The following CEBPZOS variants were observed in gnomAD, a reference collection of about 807,000 sequenced individuals.
The protein encoded by CEBPZOS is protein CEBPZOS.
A neutral mutation model predicts 4.8 loss-of-function variants in CEBPZOS; 10 were observed. The ratio of observed to expected loss-of-function variants is 2.07; its 90% CI spans 1.28 to 3.52. The LOEUF (loss-of-function observed/expected upper bound fraction) is 3.52. Among genes scored for constraint, CEBPZOS ranks in the 30% most tolerant of loss-of-function variants. The pLI is 0.00. For missense variants in CEBPZOS, 98 were observed against 43.6 expected (o/e 2.25, Z -3.51); for synonymous variants, 25 against 14.2 (o/e 1.77, Z -1.72).
At position 37,202,970 on chromosome 2, in the gene CEBPZOS, G is replaced by A; in HGVS notation, c.*1110G>A. On this transcript the variant is annotated 3_prime_UTR_variant, in exon 5 of 5. Transcript: ENST00000402297. ...CTTACCTCTTCAGCAGATACAAATA[G>A]GCTGGAATCATTTAAGTTTCTTTTC... The A allele has an allele frequency of 1.3e-6, 2 of 1,562,446 alleles. No homozygotes were observed. Among genetic ancestry groups the A allele is most frequent in the Non-Finnish European group, 1.7e-6 (2 of 1,157,372 alleles).
chr2:37,213,636 ACTC>A (rs1677795457), exon 5 of CEBPZOS: 5 of 394,528 alleles, frequency 1.3e-5, no homozygotes, highest in Non-Finnish European at 2.3e-5. Flanking sequence ...CTGGTCTCGA[ACTC>A]CTGACCTCAA....
intron 4 of CEBPZOS, chr2:37,211,990 C>G: frequency 2.5e-6 from 4 of 1,611,940 alleles, no homozygotes; most frequent in Non-Finnish European, 3.4e-6. Flanking sequence ...CCTTCTGAAT[C>G]TTCATCTAAT....
At chr2:37,210,891 C>G (rs531007625) in intron 4 of CEBPZOS, 11 of 575,914 alleles carry the variant, frequency 1.9e-5, no homozygotes, top group South Asian at 7.8e-5. Flanking sequence ...GAACCCCCCC[C>G]ACCCCTGAAT....
Position 37,202,839 on chromosome 2 carries a change from C to T in CEBPZOS, c.*979C>T, listed in dbSNP as rs1677341205. 12 of 1,601,180 alleles carry T rather than the reference C, an allele frequency of 7.5e-6. No individual in the cohort carries two copies. The highest frequency in any genetic ancestry group is 1.0e-5 in the Non-Finnish European group (12 of 1,174,278). Reference sequence around the variant, plus strand: ...TGCCAATGTTATCAAACTTGGATCCCATATTTTCATCCAATAGATGGCCAA... The same window carrying T: ...TGCCAATGTTATCAAACTTGGATCCTATATTTTCATCCAATAGATGGCCAA... On this transcript the variant is annotated 3_prime_UTR_variant, in exon 5 of 5. Transcript: ENST00000402297.
At chr2:37,205,386 CTCCTGGCTCA>C (rs1213226948), downstream of CEBPZOS, among the ~76,000 whole-genome samples, 1 of 152,216 alleles carries the variant, frequency 6.6e-6, no homozygotes, top group Admixed American at 6.5e-5. Flanking sequence ...GAAATTCCTT[CTCCTGGCTCA>C]TCCTGGCTCA....
intron 4 of CEBPZOS, chr2:37,212,688 CTTTTTA>C: frequency 2.4e-6 from 1 of 413,206 alleles, no homozygotes; most frequent in Non-Finnish European, 4.4e-6. Context: ...AATTGTCGTC[CTTTTTA>C]CTCTATTAGA....
intron 4 of CEBPZOS, chr2:37,212,027 C>G (rs1403881231): frequency 6.3e-7 from 1 of 1,578,240 alleles, no homozygotes; most frequent in East Asian, 2.2e-5. Context: ...CTTTTGTTCT[C>G]TTTTTCACGT....
downstream of CEBPZOS, among the ~76,000 whole-genome samples, chr2:37,206,927 TCA>T (rs1440055994): frequency 6.6e-6 from 1 of 152,052 alleles, no homozygotes; most frequent in African/African-American, 2.4e-5. Context: ...ACATAAGGAC[TCA>T]CATAAACTTA....
At chr2:37,206,889 T>C (rs987094836), downstream of CEBPZOS, among the ~76,000 whole-genome samples, 1 of 152,104 alleles carries the variant, frequency 6.6e-6, no homozygotes, top group Non-Finnish European at 1.5e-5. Flanking sequence ...CAACCAAGAA[T>C]CTGCTGTGTT....
At position 37,199,722 on chromosome 2, in the gene CEBPZOS, A is replaced by G. The variant is rs1267531693; in HGVS notation, c.18A>G (p.Glu6=). The G allele has an allele frequency of 4.2e-6, 3 of 717,336 alleles. No individual in the cohort carries two copies. The African/African-American group carries it at 5.2e-5, about 13-fold the overall frequency. 44.4% of individuals were successfully genotyped at this position (717,336 alleles called of 1,614,324 possible). ...AATTTAGGATGGCCCGTACTTTGGA[A>G]CCACTAGCAAAGAAGATCTTTAAAG... MARTL[E]PLAKKIFKGV... Residue 6 remains glutamate, a synonymous_variant, in exon 2 of 5, where the codon GAA becomes GAG. Coordinates refer to ENST00000402297, the MANE Select transcript of CEBPZOS (RefSeq NM_001322374.2).
At position 37,202,860 on chromosome 2, in the gene CEBPZOS, G is replaced by T; in HGVS notation, c.*1000G>T. On this transcript the variant is annotated 3_prime_UTR_variant, in exon 5 of 5. Transcript: ENST00000402297. ...ATCCCATATTTTCATCCAATAGATG[G>T]CCAAACTTTTAAACAAAAACGATAA... The T allele has an allele frequency of 1.2e-5, 19 of 1,599,876 alleles. No individual in the cohort carries two copies. The highest frequency in any genetic ancestry group is 1.4e-5 in the Non-Finnish European group (17 of 1,173,454).
chr2:37,208,039 G>T (rs1432911487), downstream of CEBPZOS, among the ~76,000 whole-genome samples: 1 of 151,960 alleles, frequency 6.6e-6, no homozygotes, highest in Non-Finnish European at 1.5e-5. Context: ...ACAAAAACTA[G>T]AAAACCTAGA....
chr2:37,210,486 C>T (rs892042787), intron 4 of CEBPZOS: 1 of 152,270 alleles, frequency 6.6e-6, no homozygotes, highest in African/African-American at 2.4e-5. Context: ...CTGAATACAG[C>T]TGGAGACCAT....
intron 1 of CEBPZOS, 118 bp downstream of exon 1, chr2:37,196,638 TAGTC>T (rs1676953432): frequency 6.6e-6 from 1 of 152,350 alleles, no homozygotes; most frequent in Non-Finnish European, 1.5e-5. Context: ...ATGTGGAGGA[TAGTC>T]AGGTGTCACT....
At position 37,203,025 on chromosome 2, in the gene CEBPZOS, G is replaced by C; in HGVS notation, c.*1165G>C. 6.8e-7 allele frequency: 1 copy of C among 1,476,278 alleles called. No homozygotes were observed. The highest frequency in any genetic ancestry group is 9.1e-7 in the Non-Finnish European group (1 of 1,094,960). 91.4% of individuals were successfully genotyped at this position (1,476,278 alleles called of 1,614,324 possible). On this transcript the variant is annotated 3_prime_UTR_variant, in exon 5 of 5. Transcript: ENST00000402297. Reference sequence around the variant, plus strand: ...TTCTTGGCCCTAAAAAAAATTGTAAGTCTACATTATTCAATTATAAATCTA... The same window carrying C: ...TTCTTGGCCCTAAAAAAAATTGTAACTCTACATTATTCAATTATAAATCTA...
intron 2 of CEBPZOS, 21 bp from the exon 3 acceptor site, chr2:37,201,027 A>G (rs1286725857): frequency 1.8e-5 from 13 of 714,984 alleles, no homozygotes; most frequent in African/African-American, 7.0e-5. Context: ...TCTAATTTCA[A>G]GACATCCTTT....
chr2:37,208,536 A>C (rs1448896200), downstream of CEBPZOS, among the ~76,000 whole-genome samples: 1 of 152,210 alleles, frequency 6.6e-6, no homozygotes, highest in Non-Finnish European at 1.5e-5. Context: ...AATTAAAAAC[A>C]AAAATCATAT....
chr2:37,212,395 G>C, intron 4 of CEBPZOS: 1 of 1,611,594 alleles, frequency 6.2e-7, no homozygotes, highest in Non-Finnish European at 8.5e-7. Context: ...AAATGTGTCT[G>C]CCAGACAATA....
At chr2:37,213,936 CT>C, downstream of CEBPZOS, 1 of 1,580,454 alleles carries the variant, frequency 6.3e-7, no homozygotes. Context: ...TTTTGTTTCT[CT>C]TTAACAGCAA....
Sources: gnomAD v4.1 joint callset for allele counts (sites outside exome capture counted in the v4.1 genomes callset) on GRCh38, gnomAD v4.1.1 for gene constraint, MANE v1.5 for transcripts, NCBI Gene and HGNC (gene_info 2026-07-23, HGNC 2026-07-21) for gene names.